The following ADCY1 variants were observed in gnomAD, a reference collection of about 807,000 sequenced individuals.
The protein encoded by ADCY1 is adenylate cyclase 1.
ADCY1 carries 28 observed loss-of-function variants against 105.4 expected under a neutral mutation model. The observed-to-expected ratio is 0.27, with a 90% CI of 0.20 to 0.36. The LOEUF (loss-of-function observed/expected upper bound fraction) is 0.36. Ranked by LOEUF, ADCY1 falls within the 10% of genes least tolerant of loss-of-function variation. The pLI is 1.00. For missense variants in ADCY1, 977 were observed against 1,434.2 expected (o/e 0.68, Z 5.15); for synonymous variants, 655 against 623.8 (o/e 1.05, Z -0.75).
chr7:45,679,926 G>T (rs1784524889), intron 11 of ADCY1, 133 bp downstream of exon 11: 1 of 1,032,952 alleles, frequency 9.7e-7, no homozygotes, highest in African/African-American at 1.6e-5. Context: ...ATATCACCTT[G>T]TTCAGGTATG....
chr7:45,637,120 T>G (rs1794413225), intron 4 of ADCY1, among the ~76,000 whole-genome samples: 1 of 152,254 alleles, frequency 6.6e-6, no homozygotes, highest in Non-Finnish European at 1.5e-5. Flanking sequence ...TTTTTGTGGT[T>G]GCTTTAAAGT....
In ADCY1 at chr7:45,686,762, C is replaced by T; in HGVS notation, c.2454+89C>T. On this transcript the variant is annotated intron_variant, in intron 14 of 19. Transcript: ENST00000297323. The surrounding 1 kb of genome is among the most constrained non-coding windows in gnomAD (Gnocchi z 4.3). ...AGCATCTGACGGGGGCTGCCACAGA[C>T]ACCCACACGCCGTATGGCCCTCGGA... The T allele has an allele frequency of 6.7e-7, 1 of 1,499,600 alleles. No homozygotes were observed. The highest frequency in any genetic ancestry group is 2.3e-5 in the East Asian group (1 of 43,004). The allele number at this position is 1,499,600 out of a possible 1,614,324, so 92.9% of individuals were successfully genotyped here. A position where few individuals can be genotyped will look rare whatever the true frequency, so the allele number is the denominator to read the frequency against.
intron 4 of ADCY1, among the ~76,000 whole-genome samples, chr7:45,643,817 G>T (rs929879332): frequency 6.6e-6 from 1 of 152,174 alleles, no homozygotes; most frequent in African/African-American, 2.4e-5. Context: ...TCTTTTTGAT[G>T]CTGGTAGTGC....
At chr7:45,636,977 G>T (rs1368293322) in intron 4 of ADCY1, among the ~76,000 whole-genome samples, 1 of 152,200 alleles carries the variant, frequency 6.6e-6, no homozygotes, top group African/African-American at 2.4e-5. Context: ...CTGTTACCTT[G>T]CCATTCGCTT....
At chr7:45,651,499 A>G (rs577629562) in intron 5 of ADCY1, among the ~76,000 whole-genome samples, 3 of 152,046 alleles carry the variant, frequency 2.0e-5, no homozygotes, top group Non-Finnish European at 4.4e-5. Flanking sequence ...TTTATTTGAA[A>G]CTTTGGAAAT....
At position 45,708,848 on chromosome 7, in the gene ADCY1, CTG is replaced by C. The variant is rs1785171619; in HGVS notation, c.2932+387_2932+388del. Among the ~76,000 whole-genome samples the C allele has an allele frequency of 6.6e-6, 1 of 152,222 alleles. No homozygotes were observed. The highest frequency in any genetic ancestry group is 2.4e-5 in the African/African-American group (1 of 41,464). ...GAAGGAGGCCTTGACGGGAGCCCCA[CTG>C]TGCGGACTCCAGCCGCCCTGTGTCT... On this transcript the variant is annotated intron_variant, in intron 18 of 19. Coordinates refer to ENST00000297323, the MANE Select transcript of ADCY1 (RefSeq NM_021116.4). The surrounding 1 kb of genome is among the most constrained non-coding windows in gnomAD (Gnocchi z 4.7).
intron 3 of ADCY1, 30 bp from the exon 4 acceptor site, chr7:45,622,602 A>C: frequency 6.5e-7 from 1 of 1,536,054 alleles, no homozygotes; most frequent in Non-Finnish European, 9.0e-7. Context: ...GACTGGGAGA[A>C]GGGCAGCCTG....
At chr7:45,704,679 G>T in intron 17 of ADCY1, 63 bp downstream of exon 17, 2 of 1,355,220 alleles carry the variant, frequency 1.5e-6, no homozygotes, top group Non-Finnish European at 1.0e-6. Flanking sequence ...AAACTGCTCT[G>T]GGACCCTGGG....
chr7:45,676,052 T>TG (rs961226369), intron 8 of ADCY1, among the ~76,000 whole-genome samples: 15 of 151,946 alleles, frequency 9.9e-5, no homozygotes, highest in African/African-American at 2.7e-4. Context: ...TGTTTTGTTT[T>TG]TTTTTTTTAA....
intron 14 of ADCY1, among the ~76,000 whole-genome samples, chr7:45,691,678 G>A (rs1404943029): frequency 1.3e-5 from 2 of 152,200 alleles, no homozygotes; most frequent in Non-Finnish European, 2.9e-5. Context: ...ATGCTATTTA[G>A]TATAGAATGA....
At chr7:45,682,237 C>G (rs1784572932) in intron 11 of ADCY1, among the ~76,000 whole-genome samples, 2 of 152,088 alleles carry the variant, frequency 1.3e-5, no homozygotes, top group African/African-American at 4.8e-5. Flanking sequence ...GTAGCTCATC[C>G]CGGGAATCAG....
chr7:45,598,862 G>A (rs565041407), intron 2 of ADCY1, among the ~76,000 whole-genome samples: 17 of 152,280 alleles, frequency 1.1e-4, no homozygotes, highest in African/African-American at 3.9e-4. Context: ...GACGGAGCTC[G>A]GATTCCCACA....
At chr7:45,652,709 G>A (rs140449358) in intron 5 of ADCY1, among the ~76,000 whole-genome samples, 1 of 152,294 alleles carries the variant, frequency 6.6e-6, no homozygotes, top group East Asian at 1.9e-4. Flanking sequence ...GCCTAGTGAG[G>A]CTCCAGTGTG....
At position 45,657,850 on chromosome 7, in the gene ADCY1, C is replaced by T. The variant is rs771315630; in HGVS notation, c.1272C>T (p.Thr424=). 2 of 1,374,980 alleles carry T rather than the reference C, an allele frequency of 1.5e-6. No homozygotes were observed. Among genetic ancestry groups the T allele is most frequent in the East Asian group, 4.3e-5 (1 of 23,186 alleles). 85.2% of individuals were successfully genotyped at this position (1,374,980 alleles called of 1,614,324 possible). A position where few individuals can be genotyped will look rare whatever the true frequency, so the allele number is the denominator to read the frequency against. Residue 424 remains threonine, a synonymous_variant, in exon 6 of 20, where the codon ACC becomes ACT. Transcript: ENST00000297323. The part of the protein sequence containing the change: ...WQYDVWSNDV[T]LANVMEAAGL... The stretch of plus-strand genomic sequence containing the variant: ...ACGACGTGTGGTCCAATGATGTGAC[C>T]TTGGCCAATGTCATGGAAGCCGCTG...
At position 45,597,772 on chromosome 7, in the gene ADCY1, C is replaced by T. The variant is rs538507034; in HGVS notation, c.789+4864C>T. 3.9e-5 allele frequency among the ~76,000 whole-genome samples: 6 copies of T among 152,302 alleles called. No individual in the cohort carries two copies. In the South Asian group the frequency reaches 1.2e-3, roughly 32 times the overall value. ...TCTCCTCCCGTCCACCTTCTCAGGG[C>T]AGCCCATAGAACAAGAGGCTCTGGA... On this transcript the variant is annotated intron_variant, in intron 2 of 19. Transcript: ENST00000297323.
At position 45,589,540 on chromosome 7, in the gene ADCY1, G is replaced by A. The variant is rs555493106; in HGVS notation, c.640-3219G>A. Reference sequence around the variant, plus strand: ...TTTGGATCTAAATGCCCCTCTAGCCGTGAGTTCAGAGAGCTTCATGGAGAG... The same window carrying A: ...TTTGGATCTAAATGCCCCTCTAGCCATGAGTTCAGAGAGCTTCATGGAGAG... On this transcript the variant is annotated intron_variant, in intron 1 of 19. Transcript: ENST00000297323. Among the ~76,000 whole-genome samples, 11 of 152,302 alleles carry A rather than the reference G, an allele frequency of 7.2e-5. No individual in the cohort carries two copies. In the East Asian group the frequency reaches 7.7e-4, roughly 11 times the overall value.
chr7:45,614,961 G>C (rs1369373058), intron 3 of ADCY1, among the ~76,000 whole-genome samples: 2 of 152,168 alleles, frequency 1.3e-5, no homozygotes, highest in Non-Finnish European at 2.9e-5. Flanking sequence ...TTTGATAACA[G>C]ACAGAGCATC....
intron 5 of ADCY1, among the ~76,000 whole-genome samples, chr7:45,652,363 A>G (rs1244865278): frequency 6.6e-6 from 1 of 152,164 alleles, no homozygotes; most frequent in African/African-American, 2.4e-5. Flanking sequence ...GGCTGCTCTG[A>G]TAGAGGGTGG....
chr7:45,615,930 A>G (rs1793727177), intron 3 of ADCY1, among the ~76,000 whole-genome samples: 1 of 152,184 alleles, frequency 6.6e-6, no homozygotes, highest in East Asian at 1.9e-4. Context: ...TGAAACATTA[A>G]ATAAGATTTT....
Sources: allele counts gnomAD v4.1 joint callset (sites outside exome capture counted in the v4.1 genomes callset), GRCh38; gene constraint gnomAD v4.1.1; non-coding constraint Gnocchi (gnomAD v3.1); transcripts MANE v1.5; gene names NCBI Gene and HGNC (gene_info 2026-07-23, HGNC 2026-07-21).